Variants in DOCK1 observed in about 807,000 individuals in gnomAD.
DOCK1 encodes dedicator of cytokinesis protein 1.
DOCK1 carries 138 observed loss-of-function variants against 262.7 expected under a neutral mutation model. That is an observed-to-expected ratio of 0.53 (90% CI 0.46 to 0.61). DOCK1 has a LOEUF of 0.61. DOCK1 is among the 20% of genes least tolerant of loss of function. The probability of loss-of-function intolerance (pLI) is 0.00; values close to 1 mark genes in which losing one functional copy is unlikely to be tolerated. For missense variants in DOCK1, 1,908 were observed against 2,370.7 expected, an observed-to-expected ratio of 0.80 and a Z score of 4.05; for synonymous variants, 866 against 867.4, an observed-to-expected ratio of 1.00 and a Z score of 0.03.
At chr10:127,247,942 T>C in intron 27 of DOCK1, 66 bp from the exon 28 acceptor site, 1 of 1,495,382 alleles carries the variant, frequency 6.7e-7, no homozygotes. Flanking sequence ...GAATCTGGGA[T>C]GATTTCGGCT....
chr10:127,313,787 G>A (rs139947982), intron 29 of DOCK1, among the ~76,000 whole-genome samples: 88 of 152,174 alleles, frequency 5.8e-4, no homozygotes, highest in African/African-American at 1.6e-3. Context: ...AGACAGGTTC[G>A]CCTGAGGGCT....
In DOCK1 at chr10:127,166,017, T is replaced by G. The variant is rs552146737; in HGVS notation, c.2847+38253T>G. ...TCAAGTAAAAGGGAAAATCCAGACTTGCATTAGCAAAAAAATTAAAAAATT... is the reference window on the plus strand; with the variant it reads ...TCAAGTAAAAGGGAAAATCCAGACTGGCATTAGCAAAAAAATTAAAAAATT... On this transcript the variant is annotated intron_variant, in intron 27 of 51. Coordinates refer to ENST00000623213, the MANE Select transcript of DOCK1 (RefSeq NM_001290223.2). 2.0e-5 allele frequency among the ~76,000 whole-genome samples: 3 copies of G among 152,284 alleles called. No homozygotes were observed. In the East Asian group the frequency reaches 5.8e-4, roughly 29 times the overall value.
intron 27 of DOCK1, among the ~76,000 whole-genome samples, chr10:127,197,248 C>G (rs1014310769): frequency 1.3e-5 from 2 of 152,130 alleles, no homozygotes; most frequent in Non-Finnish European, 1.5e-5. Flanking sequence ...ACCCTACCCC[C>G]CATCCAGAGC....
At chr10:127,072,276 GTGTGCCAGGCAC>G (rs777291662) in intron 23 of DOCK1, among the ~76,000 whole-genome samples, 27 of 152,098 alleles carry the variant, frequency 1.8e-4, no homozygotes, top group Non-Finnish European at 3.2e-4. Flanking sequence ...TCATTCTCCT[GTGTGCCAGGCAC>G]TGTGCTAGGC....
At chr10:127,247,913 C>G in intron 27 of DOCK1, 95 bp from the exon 28 acceptor site, 1 of 1,230,420 alleles carries the variant, frequency 8.1e-7, no homozygotes. Flanking sequence ...TTGCTTCTCC[C>G]TGACAGTTTC....
rs1297397662 is a variant in DOCK1, at chr10:126,947,102, C to T, written c.47-23600C>T. ...CTCCTGCTCTTTGCCTCAGTCTTTG[C>T]GTGCAGAAATGGGATTGCTGTTAGC... is the stretch of plus-strand genomic sequence containing the variant. On this transcript the variant is annotated intron_variant, in intron 1 of 51. Coordinates refer to ENST00000623213, the MANE Select transcript of DOCK1 (RefSeq NM_001290223.2). Among the ~76,000 whole-genome samples the T allele has an allele frequency of 7.2e-5, 11 of 152,294 alleles. No individual in the cohort carries two copies. In the East Asian group the frequency reaches 1.2e-3, roughly 16 times the overall value.
intron 22 of DOCK1, among the ~76,000 whole-genome samples, chr10:127,057,843 T>C (rs753845669): frequency 5.3e-5 from 8 of 152,240 alleles, no homozygotes; most frequent in Non-Finnish European, 8.8e-5. Context: ...CTTTTTGCTA[T>C]CATTCCCTGG....
chr10:127,139,892 C>T (rs370046342), intron 27 of DOCK1, among the ~76,000 whole-genome samples: 6 of 152,130 alleles, frequency 3.9e-5, no homozygotes, highest in African/African-American at 1.4e-4. Flanking sequence ...ATCTATTGAT[C>T]ACTAATCTTA....
At chr10:127,409,745 C>G (rs112570291) in intron 42 of DOCK1, among the ~76,000 whole-genome samples, 2,250 of 152,230 alleles carry the variant, frequency 0.015, 39 homozygotes, top group African/African-American at 0.045. Context: ...CCTGCCTGTT[C>G]CCAGCAAAGC....
intron 29 of DOCK1, among the ~76,000 whole-genome samples, chr10:127,263,533 A>T (rs1468220762): frequency 6.6e-6 from 1 of 152,218 alleles, no homozygotes; most frequent in Admixed American, 6.5e-5. Context: ...ATGACATTTA[A>T]GATGAGCACA....
chr10:127,141,939 C>G (rs1357242897), intron 27 of DOCK1, among the ~76,000 whole-genome samples: 1 of 152,192 alleles, frequency 6.6e-6, no homozygotes, highest in African/African-American at 2.4e-5. Flanking sequence ...CTTTTTGGAG[C>G]CTGGCTCCCA....
At chr10:127,030,475 T>C (rs1211224246) in intron 16 of DOCK1, among the ~76,000 whole-genome samples, 1 of 152,240 alleles carries the variant, frequency 6.6e-6, no homozygotes, top group African/African-American at 2.4e-5. Context: ...TCCTGCAGCA[T>C]TGACATCTTG....
intron 6 of DOCK1, among the ~76,000 whole-genome samples, chr10:126,996,242 T>TG (rs774950341): frequency 2.0e-5 from 3 of 151,856 alleles, no homozygotes; most frequent in Non-Finnish European, 4.4e-5. Context: ...TAGCCGGGTG[T>TG]GGTGGCACAC....
At chr10:127,444,534 G>A (rs560003260) in intron 50 of DOCK1, among the ~76,000 whole-genome samples, 6 of 152,254 alleles carry the variant, frequency 3.9e-5, no homozygotes, top group African/African-American at 1.4e-4. Flanking sequence ...CAGGGTCCAT[G>A]TGGAGGGGAC....
intron 23 of DOCK1, among the ~76,000 whole-genome samples, chr10:127,062,105 T>C (rs1024761483): frequency 2.6e-5 from 4 of 151,798 alleles, no homozygotes; most frequent in African/African-American, 9.7e-5. Flanking sequence ...CCTGGCAAAT[T>C]TTTTTGTATT....
At chr10:127,292,845 G>T (rs746501219) in intron 29 of DOCK1, among the ~76,000 whole-genome samples, 6 of 152,050 alleles carry the variant, frequency 3.9e-5, no homozygotes, top group Non-Finnish European at 8.8e-5. Context: ...CATTCAACCC[G>T]CCGAGAGCTG....
chr10:127,339,639 G>A (rs1472105556), intron 30 of DOCK1, among the ~76,000 whole-genome samples: 1 of 151,674 alleles, frequency 6.6e-6, no homozygotes, highest in African/African-American at 2.4e-5. Flanking sequence ...GTGTGTGTGT[G>A]TGTGTGTGTG....
At chr10:127,124,511 T>C (rs915023413) in intron 25 of DOCK1, among the ~76,000 whole-genome samples, 1 of 152,236 alleles carries the variant, frequency 6.6e-6, no homozygotes, top group Non-Finnish European at 1.5e-5. Flanking sequence ...TTTCATTGTA[T>C]TTGTATCTGT....
chr10:126,905,692 C>G (rs1466246358), intron 1 of DOCK1, 129 bp downstream of exon 1: 2 of 148,300 alleles, frequency 1.3e-5, no homozygotes, highest in East Asian at 2.0e-4. Flanking sequence ...CGCCCGCGCC[C>G]GCGCCGCCGC....
Sources: allele counts gnomAD v4.1 joint callset (sites outside exome capture counted in the v4.1 genomes callset), GRCh38; gene constraint gnomAD v4.1.1; transcripts MANE v1.5; gene names NCBI Gene and HGNC (gene_info 2026-07-23, HGNC 2026-07-21).